Variants in ADGRL3 observed in about 807,000 individuals in gnomAD.
The protein encoded by ADGRL3 is adhesion G protein-coupled receptor L3, also known as calcium-independent alpha-latrotoxin receptor 3.
A neutral mutation model predicts 153.5 loss-of-function variants in ADGRL3; 62 were observed. The ratio of observed to expected loss-of-function variants is 0.40; its 90% CI spans 0.33 to 0.50. The LOEUF is 0.50. Among genes scored for constraint, ADGRL3 ranks in the 20% least tolerant of loss-of-function variants. The pLI, the probability that ADGRL3 is intolerant of heterozygous loss-of-function variation, is 0.47. For synonymous variants in ADGRL3, 710 were observed against 672.5 expected (o/e 1.06, Z -0.86); for missense variants, 1,641 against 1,859.4 (o/e 0.88, Z 2.16).
chr4:61,347,261 A>G (rs2151252881), intron 1 of ADGRL3, among the ~76,000 whole-genome samples: 1 of 151,804 alleles, frequency 6.6e-6, no homozygotes, highest in Admixed American at 6.6e-5. Context: ...AAAAAGAGGC[A>G]TAGTTATTTT....
intron 1 of ADGRL3, among the ~76,000 whole-genome samples, chr4:61,309,455 C>T (rs751610663): frequency 5.9e-5 from 9 of 152,138 alleles, no homozygotes; most frequent in Non-Finnish European, 5.9e-5. Flanking sequence ...AAGACAATTA[C>T]GTCCACCATA....
At chr4:61,806,750 C>T (rs1209240715) in intron 8 of ADGRL3, among the ~76,000 whole-genome samples, 1 of 152,012 alleles carries the variant, frequency 6.6e-6, no homozygotes, top group African/African-American at 2.4e-5. Context: ...TGCCCTTTAT[C>T]TAAATTTTGG....
At chr4:61,700,063 GA>G (rs1398599000) in intron 6 of ADGRL3, among the ~76,000 whole-genome samples, 1 of 151,982 alleles carries the variant, frequency 6.6e-6, no homozygotes, top group African/African-American at 2.4e-5. Context: ...ATTACTTGAG[GA>G]AAGAGTAAGG....
intron 1 of ADGRL3, among the ~76,000 whole-genome samples, chr4:61,222,690 C>T (rs1746208774): frequency 6.6e-6 from 1 of 152,112 alleles, no homozygotes; most frequent in Non-Finnish European, 1.5e-5. Flanking sequence ...GAATGAGGTT[C>T]CATATTCTAG....
At chr4:61,772,265 C>T (rs1274150612) in intron 8 of ADGRL3, among the ~76,000 whole-genome samples, 1 of 152,166 alleles carries the variant, frequency 6.6e-6, no homozygotes, top group Non-Finnish European at 1.5e-5. Flanking sequence ...CCACTGGCCA[C>T]TGCAGGTAGA....
chr4:61,305,384 T>G (rs1399270054), intron 1 of ADGRL3, among the ~76,000 whole-genome samples: 1 of 152,146 alleles, frequency 6.6e-6, no homozygotes, highest in East Asian at 1.9e-4. Context: ...GAGTTCAAGT[T>G]TAAAGTACTA....
At chr4:61,407,438 C>T (rs1006550193) in intron 2 of ADGRL3, among the ~76,000 whole-genome samples, 1 of 152,042 alleles carries the variant, frequency 6.6e-6, no homozygotes, top group African/African-American at 2.4e-5. Context: ...CCCTTAATTT[C>T]ATTTCTTTAT....
At chr4:61,947,894 G>T (rs2098932141) in intron 16 of ADGRL3, among the ~76,000 whole-genome samples, 1 of 152,088 alleles carries the variant, frequency 6.6e-6, no homozygotes, top group South Asian at 2.1e-4. Flanking sequence ...AAAAAATAGT[G>T]CACTCTTCTC....
chr4:61,640,021 G>A (rs747090474), intron 5 of ADGRL3, among the ~76,000 whole-genome samples: 4 of 151,974 alleles, frequency 2.6e-5, no homozygotes, highest in Non-Finnish European at 5.9e-5. Context: ...TGGAACCTGG[G>A]GAGCAGTTAA....
intron 15 of ADGRL3, among the ~76,000 whole-genome samples, chr4:61,937,925 T>C (rs1202315319): frequency 6.6e-6 from 1 of 152,230 alleles, no homozygotes; most frequent in African/African-American, 2.4e-5. Context: ...TGTTTTGTTT[T>C]GTTTTGTTTT....
chr4:61,866,308 C>T (rs148906618), intron 9 of ADGRL3, among the ~76,000 whole-genome samples: 24 of 152,310 alleles, frequency 1.6e-4, no homozygotes, highest in African/African-American at 5.3e-4. Context: ...AACCTCTGTT[C>T]TGAGTATGGC....
chr4:61,460,407 G>C (rs1403492570), intron 2 of ADGRL3, among the ~76,000 whole-genome samples: 1 of 152,070 alleles, frequency 6.6e-6, no homozygotes, highest in Non-Finnish European at 1.5e-5. Context: ...CAACATAGAT[G>C]GAACTGGAGT....
At chr4:61,404,107 A>G (rs2096963986) in intron 2 of ADGRL3, among the ~76,000 whole-genome samples, 3 of 152,020 alleles carry the variant, frequency 2.0e-5, no homozygotes, top group Non-Finnish European at 4.4e-5. Flanking sequence ...TAGATATATA[A>G]TAGTTAGCAA....
intron 9 of ADGRL3, among the ~76,000 whole-genome samples, chr4:61,831,251 G>C (rs1303134902): frequency 6.6e-6 from 1 of 151,802 alleles, no homozygotes; most frequent in Non-Finnish European, 1.5e-5. Context: ...AACTTTCATA[G>C]TATCATTGTC....
chr4:61,284,330 C>A (rs548180249), intron 1 of ADGRL3, among the ~76,000 whole-genome samples: 1 of 151,982 alleles, frequency 6.6e-6, no homozygotes, highest in South Asian at 2.1e-4. Flanking sequence ...ATAGACTCAA[C>A]TTCCTTAACC....
At chr4:61,641,916 G>T (rs1436428528) in intron 5 of ADGRL3, among the ~76,000 whole-genome samples, 1 of 146,862 alleles carries the variant, frequency 6.8e-6, no homozygotes, top group Non-Finnish European at 1.5e-5. Context: ...GTGTAAAAGT[G>T]TTCCTGTTTC....
rs2152202409 is a variant in ADGRL3 at position 61,406,236 on chromosome 4, G to A, written c.-174+23047G>A. ...CATAGCTAACATGTGGGAAAGCCAA[G>A]CTTTGAATCCAGGCTGAGACCCAAG... On this transcript the variant is annotated intron_variant, in intron 2 of 26. Coordinates refer to ENST00000683033, the MANE Select transcript of ADGRL3 (RefSeq NM_001387552.1). Among the ~76,000 whole-genome samples the A allele has an allele frequency of 2.0e-5, 3 of 151,938 alleles. No homozygotes were observed. The South Asian group carries it at 6.2e-4, about 31-fold the overall frequency.
chr4:61,600,191 C>T (rs1328829868), intron 5 of ADGRL3, among the ~76,000 whole-genome samples: 2 of 148,524 alleles, frequency 1.3e-5, no homozygotes, highest in African/African-American at 4.9e-5. Flanking sequence ...ATCTGTAGTC[C>T]CAGCTATTCA....
intron 7 of ADGRL3, 66 bp from the exon 8 acceptor site, chr4:61,732,688 A>G (rs1233611497): frequency 1.1e-6 from 1 of 884,010 alleles, no homozygotes; most frequent in Admixed American, 3.4e-5. Context: ...TTGGTGAAAA[A>G]TAAGACTATA....
Sources: gnomAD v4.1 joint callset for allele counts (sites outside exome capture counted in the v4.1 genomes callset) on GRCh38, gnomAD v4.1.1 for gene constraint, MANE v1.5 for transcripts, NCBI Gene and HGNC (gene_info 2026-07-23, HGNC 2026-07-21) for gene names.